The following CNTN5 variants were observed in gnomAD, a reference collection of about 807,000 sequenced individuals.
CNTN5 encodes contactin-5.
Under a neutral mutation model 129.1 loss-of-function variants are expected in CNTN5, and 77 were observed. The ratio of observed to expected loss-of-function variants is 0.60; its 90% CI spans 0.50 to 0.72. The LOEUF is 0.72. Ranked by LOEUF, CNTN5 falls within the 30% of genes least tolerant of loss-of-function variation. CNTN5 has a pLI of 0.00. For missense variants in CNTN5, 1,478 were observed against 1,328.8 expected (o/e 1.11, Z -1.75); for synonymous variants, 509 against 465.6 (o/e 1.09, Z -1.20).
At chr11:99,305,647 A>C (rs770961441) in intron 1 of CNTN5, among the ~76,000 whole-genome samples, 1 of 152,174 alleles carries the variant, frequency 6.6e-6, no homozygotes, top group Admixed American at 6.6e-5. Flanking sequence ...TAGCATTTAT[A>C]TAATAAGAAG....
chr11:99,304,088 C>G (rs1232493984), intron 1 of CNTN5, among the ~76,000 whole-genome samples: 1 of 152,086 alleles, frequency 6.6e-6, no homozygotes, highest in East Asian at 1.9e-4. Flanking sequence ...AGCTAAATGA[C>G]AGTTTTTCTT....
At chr11:99,883,440 T>A (rs1948822747) in intron 6 of CNTN5, among the ~76,000 whole-genome samples, 1 of 152,178 alleles carries the variant, frequency 6.6e-6, no homozygotes. Flanking sequence ...CTCATTGTAG[T>A]TTTGACTTGG....
intron 1 of CNTN5, among the ~76,000 whole-genome samples, chr11:99,265,907 A>T (rs1294786973): frequency 2.0e-5 from 3 of 152,078 alleles, no homozygotes; most frequent in African/African-American, 7.2e-5. Flanking sequence ...GATAAATAGA[A>T]GGTTAACATT....
At chr11:99,154,055 A>G (rs2005238) in intron 1 of CNTN5, among the ~76,000 whole-genome samples, 7,259 of 152,136 alleles carry the variant, frequency 0.048, 198 homozygotes, top group Middle Eastern at 0.065. Flanking sequence ...CTGCTGACGA[A>G]AACACTCCGA....
intron 6 of CNTN5, among the ~76,000 whole-genome samples, chr11:99,874,896 G>A (rs1004786273): frequency 2.6e-5 from 4 of 152,032 alleles, no homozygotes; most frequent in African/African-American, 4.8e-5. Context: ...TCCTGGAGCC[G>A]TTCACAATGA....
intron 16 of CNTN5, among the ~76,000 whole-genome samples, chr11:100,249,218 A>C (rs962383262): frequency 2.6e-5 from 4 of 152,252 alleles, no homozygotes; most frequent in African/African-American, 4.8e-5. Context: ...ATATATGTAC[A>C]CATATACATT....
At chr11:99,684,766 T>C (rs1312729580) in intron 3 of CNTN5, among the ~76,000 whole-genome samples, 1 of 151,824 alleles carries the variant, frequency 6.6e-6, no homozygotes, top group Non-Finnish European at 1.5e-5. Context: ...TAATATCCTT[T>C]CCTGTTATTT....
chr11:99,114,911 G>T (rs1230673770), intron 1 of CNTN5, among the ~76,000 whole-genome samples: 2 of 152,162 alleles, frequency 1.3e-5, no homozygotes, highest in East Asian at 3.9e-4. Flanking sequence ...ATGCTATTCG[G>T]AGGTGAGACC....
intron 13 of CNTN5, among the ~76,000 whole-genome samples, chr11:100,100,217 T>G (rs1004021106): frequency 3.9e-5 from 6 of 152,140 alleles, no homozygotes; most frequent in Non-Finnish European, 8.8e-5. Flanking sequence ...AGTGCTTTTG[T>G]TTGAGGCCCT....
chr11:99,786,329 CA>C (rs1187995201), intron 3 of CNTN5, among the ~76,000 whole-genome samples: 2 of 152,054 alleles, frequency 1.3e-5, no homozygotes, highest in Non-Finnish European at 2.9e-5. Flanking sequence ...AGGAGAACTA[CA>C]AACCGCTGCT....
intron 9 of CNTN5, among the ~76,000 whole-genome samples, chr11:100,017,586 G>A (rs1208496085): frequency 6.6e-6 from 1 of 151,960 alleles, no homozygotes; most frequent in African/African-American, 2.4e-5. Flanking sequence ...GAACCTGAGT[G>A]ATGACATGTA....
intron 13 of CNTN5, among the ~76,000 whole-genome samples, chr11:100,091,109 C>T (rs926481843): frequency 3.3e-5 from 5 of 152,082 alleles, no homozygotes; most frequent in Non-Finnish European, 5.9e-5. Context: ...GTCCCATTCC[C>T]GCATTTCTTC....
intron 2 of CNTN5, among the ~76,000 whole-genome samples, chr11:99,530,177 T>C (rs1219287138): frequency 6.6e-6 from 1 of 152,184 alleles, no homozygotes; most frequent in East Asian, 1.9e-4. Context: ...ACACTCAGTA[T>C]GATCTTCAGA....
At chr11:99,347,814 C>T (rs1241973715) in intron 2 of CNTN5, among the ~76,000 whole-genome samples, 2 of 152,084 alleles carry the variant, frequency 1.3e-5, no homozygotes, top group Admixed American at 6.5e-5. Context: ...TGTCATTTCT[C>T]CCCAATATAA....
chr11:99,548,482 T>C (rs1041655795), intron 2 of CNTN5, among the ~76,000 whole-genome samples: 3 of 152,328 alleles, frequency 2.0e-5, no homozygotes, highest in South Asian at 2.1e-4. Flanking sequence ...AGGTCCATAA[T>C]TGTATAGCCA....
chr11:100,334,359 GA>G (rs1951979784), intron 21 of CNTN5, among the ~76,000 whole-genome samples: 1 of 152,152 alleles, frequency 6.6e-6, no homozygotes, highest in South Asian at 2.1e-4. Context: ...AACCACTATG[GA>G]AAACAGTGTG....
At chr11:99,382,324 G>A (rs908478120) in intron 2 of CNTN5, among the ~76,000 whole-genome samples, 2 of 152,122 alleles carry the variant, frequency 1.3e-5, no homozygotes, top group Non-Finnish European at 2.9e-5. Context: ...TGACCTAGAA[G>A]TGAAATCTGC....
At chr11:99,164,322 CA>C (rs35669418) in intron 1 of CNTN5, among the ~76,000 whole-genome samples, 489 of 49,066 alleles carry the variant, frequency 1.0e-2, no homozygotes, top group African/African-American at 0.017. Flanking sequence ...CACTCCATCT[CA>C]AAAAAAAAAA....
intron 16 of CNTN5, among the ~76,000 whole-genome samples, chr11:100,240,219 A>ACCCCCCCCCCC (rs1468030423): frequency 4.0e-5 from 6 of 149,700 alleles, no homozygotes; most frequent in African/African-American, 1.3e-4. Flanking sequence ...AATTATCAAC[A>ACCCCCCCCCCC]CCCCGCCCCA....
Sources: gnomAD v4.1 joint callset for allele counts (sites outside exome capture counted in the v4.1 genomes callset) on GRCh38, gnomAD v4.1.1 for gene constraint, MANE v1.5 for transcripts, NCBI Gene and HGNC (gene_info 2026-07-23, HGNC 2026-07-21) for gene names.